Variants in L3MBTL4 observed in about 807,000 individuals in gnomAD.
L3MBTL4 encodes the protein lethal(3)malignant brain tumor-like protein 4.
L3MBTL4 carries 70 observed loss-of-function variants against 84.5 expected under a neutral mutation model. The ratio of observed to expected loss-of-function variants is 0.83; its 90% CI spans 0.68 to 1.01. The LOEUF is 1.01. Among genes scored for constraint, L3MBTL4 ranks in the 50% least tolerant of loss-of-function variants. The pLI, the probability that L3MBTL4 is intolerant of heterozygous loss-of-function variation, is 0.00. For synonymous variants in L3MBTL4, 274 were observed against 259.8 expected, an observed-to-expected ratio of 1.05 and a Z score of -0.52; for missense variants, 715 against 754.8, an observed-to-expected ratio of 0.95 and a Z score of 0.62.
intron 5 of L3MBTL4, chr18:6,259,377 C>T (rs2048298096): frequency 6.6e-6 from 1 of 152,148 alleles, no homozygotes; most frequent in Admixed American, 6.6e-5. Context: ...TTGCAAGTAT[C>T]TGTTGTTTTT....
At chr18:6,212,477 A>T (rs1242579941) in intron 12 of L3MBTL4, among the ~76,000 whole-genome samples, 1 of 152,234 alleles carries the variant, frequency 6.6e-6, no homozygotes. Flanking sequence ...GTTGTAGAAA[A>T]TTTAATAAAT....
intron 5 of L3MBTL4, among the ~76,000 whole-genome samples, chr18:6,246,196 T>C (rs1041432947): frequency 1.3e-5 from 2 of 152,200 alleles, no homozygotes; most frequent in African/African-American, 4.8e-5. Context: ...AAAGCAATCA[T>C]TTCCATATTA....
At position 6,355,851 on chromosome 18, in the gene L3MBTL4, AAAAC is replaced by A. The variant is rs1211897910; in HGVS notation, c.-90-43799_-90-43796del. ...TTCTCATTCAAATTTATAAAAAAAA[AAAAC>A]AAACAAAGCAGTGACCTCTGAAGCT... On this transcript the variant is annotated intron_variant, in intron 1 of 18. Transcript: ENST00000317931. 7.4e-4 allele frequency among the ~76,000 whole-genome samples: 113 copies of A among 151,784 alleles called. 1 individual carries two copies. In the South Asian group the frequency reaches 0.012, roughly 17 times the overall value.
At chr18:6,068,543 T>C (rs2057471906) in intron 16 of L3MBTL4, among the ~76,000 whole-genome samples, 1 of 152,194 alleles carries the variant, frequency 6.6e-6, no homozygotes, top group Non-Finnish European at 1.5e-5. Context: ...TGTAGGAATG[T>C]TGATGTTCCA....
intron 16 of L3MBTL4, among the ~76,000 whole-genome samples, chr18:6,020,941 G>T (rs1468940078): frequency 6.6e-6 from 1 of 152,200 alleles, no homozygotes; most frequent in African/African-American, 2.4e-5. Flanking sequence ...ATTACTCAGA[G>T]ACTGGGAGAG....
chr18:6,120,892 A>G (rs1015045705), intron 14 of L3MBTL4, among the ~76,000 whole-genome samples: 8 of 152,232 alleles, frequency 5.3e-5, no homozygotes, highest in Non-Finnish European at 8.8e-5. Flanking sequence ...GGTAGATTCA[A>G]GTAGGAGCTA....
At chr18:6,234,665 C>T (rs192003869) in intron 10 of L3MBTL4, among the ~76,000 whole-genome samples, 2 of 152,264 alleles carry the variant, frequency 1.3e-5, no homozygotes, top group Admixed American at 6.5e-5. Context: ...AGTCAGGAAA[C>T]ATCAAGTGCT....
intron 13 of L3MBTL4, among the ~76,000 whole-genome samples, chr18:6,153,153 C>T (rs2042964136): frequency 6.6e-6 from 1 of 152,138 alleles, no homozygotes; most frequent in Admixed American, 6.5e-5. Flanking sequence ...ACTTTGAAAT[C>T]AGGGAATGTA....
At chr18:6,367,535 GA>G (rs1411136088) in intron 1 of L3MBTL4, 2 of 152,282 alleles carry the variant, frequency 1.3e-5, no homozygotes, top group East Asian at 3.9e-4. Flanking sequence ...CTTGCCCACT[GA>G]ATGAGAAAAA....
chr18:6,400,904 C>G (rs237213), intron 1 of L3MBTL4, among the ~76,000 whole-genome samples: 36,902 of 151,982 alleles, frequency 0.24, 4,551 homozygotes, highest in Non-Finnish European at 0.26. Flanking sequence ...CAGCAACTGA[C>G]GCAAAACCTA....
At chr18:6,228,776 A>T (rs1449465883) in intron 10 of L3MBTL4, among the ~76,000 whole-genome samples, 1 of 152,162 alleles carries the variant, frequency 6.6e-6, no homozygotes, top group African/African-American at 2.4e-5. Flanking sequence ...GAAGACCCTG[A>T]GTGCCTCCAG....
chr18:6,024,250 GTCA>G (rs764246516), intron 16 of L3MBTL4, among the ~76,000 whole-genome samples: 3 of 152,174 alleles, frequency 2.0e-5, no homozygotes, highest in Non-Finnish European at 4.4e-5. Context: ...AGTTTGGATG[GTCA>G]TCGATTGGAA....
At chr18:6,162,497 C>T (rs748409675) in intron 13 of L3MBTL4, among the ~76,000 whole-genome samples, 4 of 152,028 alleles carry the variant, frequency 2.6e-5, no homozygotes, top group South Asian at 2.1e-4. Context: ...TAAAATACTG[C>T]GTGTGGTTGT....
intron 10 of L3MBTL4, among the ~76,000 whole-genome samples, chr18:6,227,124 A>G (rs1286547729): frequency 6.6e-6 from 1 of 152,204 alleles, no homozygotes; most frequent in Non-Finnish European, 1.5e-5. Flanking sequence ...GCACCTAATA[A>G]GAGTGCTTCA....
chr18:6,348,781 A>G (rs989088398), intron 1 of L3MBTL4, among the ~76,000 whole-genome samples: 1 of 152,236 alleles, frequency 6.6e-6, no homozygotes, highest in African/African-American at 2.4e-5. Flanking sequence ...TCCAAAAAGT[A>G]GGAAAATGTA....
chr18:6,020,589 C>A (rs755504061), intron 16 of L3MBTL4, among the ~76,000 whole-genome samples: 1 of 152,088 alleles, frequency 6.6e-6, no homozygotes. Context: ...GAGACACCAT[C>A]CTGTAGTCAA....
At position 6,299,069 on chromosome 18, in the gene L3MBTL4, G is replaced by A. The variant is rs192245930; in HGVS notation, c.127+2834C>T. ...AAGGCATATAGGTCTGGGATTACAC[G>A]GTGATTGGCAATACTAATTCTAAAA... is the stretch of plus-strand genomic sequence containing the variant. On this transcript the variant is annotated intron_variant, in intron 4 of 18. Coordinates refer to ENST00000317931, the MANE Select transcript of L3MBTL4 (RefSeq NM_001330559.2). 2.5e-4 allele frequency among the ~76,000 whole-genome samples: 38 copies of A among 152,246 alleles called. 1 individual carries two copies. Among genetic ancestry groups the A allele is most frequent in the Admixed American group, 4.6e-4 (7 of 15,290 alleles).
intron 1 of L3MBTL4, chr18:6,356,818 T>G (rs2053469867): frequency 1.3e-5 from 2 of 152,146 alleles, no homozygotes; most frequent in African/African-American, 4.8e-5. Context: ...CTATGCCAAA[T>G]TTATTAAAAA....
chr18:6,132,520 C>G (rs1214935770), intron 14 of L3MBTL4, among the ~76,000 whole-genome samples: 1 of 152,214 alleles, frequency 6.6e-6, no homozygotes, highest in Non-Finnish European at 1.5e-5. Flanking sequence ...CCTGCTGTCT[C>G]CCTAAAAATG....
Sources: gnomAD v4.1 joint callset for allele counts (sites outside exome capture counted in the v4.1 genomes callset) on GRCh38, gnomAD v4.1.1 for gene constraint, MANE v1.5 for transcripts, NCBI Gene and HGNC (gene_info 2026-07-23, HGNC 2026-07-21) for gene names.